The following MICAL2 variants were observed in gnomAD, a reference collection of about 807,000 sequenced individuals.
MICAL2 encodes the protein [F-actin]-monooxygenase MICAL2.
In MICAL2, 77 loss-of-function variants were observed where a neutral mutation model predicts 127.3. The ratio of observed to expected loss-of-function variants is 0.60; its 90% confidence interval spans 0.50 to 0.73. The LOEUF is 0.73. Among genes scored for constraint, MICAL2 ranks in the 30% least tolerant of loss-of-function variants. The pLI is 0.00. For synonymous variants in MICAL2, 570 were observed against 551.1 expected, an observed-to-expected ratio of 1.03 and a Z score of -0.48; for missense variants, 1,351 against 1,434.4, an observed-to-expected ratio of 0.94 and a Z score of 0.94.
chr11:12,286,231 C>T (rs1240702483), intron 2 of MICAL2, among the ~76,000 whole-genome samples: 1 of 152,208 alleles, frequency 6.6e-6, no homozygotes, highest in African/African-American at 2.4e-5. Flanking sequence ...TGATGGTCCA[C>T]AGCCTCAATT....
chr11:12,261,727 C>T, intron 26 of MICAL2: 2 of 985,410 alleles, frequency 2.0e-6, no homozygotes, highest in Non-Finnish European at 2.4e-6. Context: ...TCCCTGAAAT[C>T]CTTGGGAAAA....
intron 3 of MICAL2, among the ~76,000 whole-genome samples, chr11:12,167,416 C>A (rs1034129863): frequency 9.2e-5 from 14 of 152,136 alleles, no homozygotes; most frequent in Admixed American, 9.2e-4. Context: ...CCTATGGTCC[C>A]CAGTTTCCTC....
At chr11:12,292,108 C>A, downstream of MICAL2, 1 of 1,596,824 alleles carries the variant, frequency 6.3e-7, no homozygotes, top group Non-Finnish European at 8.5e-7. Flanking sequence ...AATAATAACA[C>A]CTTTGTAATG....
At chr11:12,123,729 CG>C (rs2133488254) in intron 1 of MICAL2, among the ~76,000 whole-genome samples, 1 of 152,198 alleles carries the variant, frequency 6.6e-6, no homozygotes, top group African/African-American at 2.4e-5. Flanking sequence ...CAGTGAAATA[CG>C]TTATTTAAAG....
Position 12,222,692 on chromosome 11 carries a change from C to T in MICAL2, c.1398C>T (p.Asp466=). 6.2e-7 allele frequency: 1 copy of T among 1,614,238 alleles called. No homozygotes were observed. The highest frequency in any genetic ancestry group is 8.5e-7 in the Non-Finnish European group (1 of 1,180,030). ...INKNFEQYTL[D]PGTRYPNLNS... is the part of the protein sequence containing the mutation. ...AGAACTTTGAGCAGTACACGTTGGA[C>T]CCAGGGACACGGTACCCAAACCTCA... The change falls in exon 11 of 28, where the codon GAC becomes GAT. Residue 466 remains aspartate (D), a synonymous_variant. Coordinates refer to ENST00000683283, the MANE Select transcript of MICAL2 (RefSeq NM_001282663.2).
At chr11:12,159,626 G>T (rs1288887974) in intron 2 of MICAL2, among the ~76,000 whole-genome samples, 1 of 152,222 alleles carries the variant, frequency 6.6e-6, no homozygotes, top group Non-Finnish European at 1.5e-5. Flanking sequence ...CCTCAGAAAA[G>T]ACTGTAGTGT....
rs1375796207 is a variant in MICAL2 at position 12,224,668 on chromosome 11, T to G, written c.1541-5T>G. 1 of 1,613,224 alleles carries G rather than the reference T, an allele frequency of 6.2e-7. No individual in the cohort carries two copies. Among genetic ancestry groups the G allele is most frequent in the Non-Finnish European group, 8.5e-7 (1 of 1,179,432 alleles). ...GCCTCACTGCCTGCGCTCTCCTTCT[T>G]GCAGAGTCAGATATCCGGCCCAGCA... On this transcript the variant is annotated splice_polypyrimidine_tract_variant and splice_region_variant and intron_variant, in intron 12 of 27. Transcript: ENST00000683283.
chr11:12,196,611 G>A (rs1190463514), intron 3 of MICAL2, among the ~76,000 whole-genome samples: 3 of 152,052 alleles, frequency 2.0e-5, no homozygotes, highest in Admixed American at 2.0e-4. Flanking sequence ...TGTTTCAAAG[G>A]CTGCCCTGAC....
intron 15 of MICAL2, among the ~76,000 whole-genome samples, chr11:12,233,867 T>A (rs999977330): frequency 6.6e-6 from 1 of 152,210 alleles, no homozygotes; most frequent in African/African-American, 2.4e-5. Flanking sequence ...AATATAGATA[T>A]ACAGATAAGA....
intron 3 of MICAL2, among the ~76,000 whole-genome samples, chr11:12,203,011 A>G (rs1854218904): frequency 6.6e-6 from 1 of 152,238 alleles, no homozygotes; most frequent in African/African-American, 2.4e-5. Flanking sequence ...GACATTTCAT[A>G]TAAACGAAAT....
chr11:12,160,474 C>T (rs1022863431), intron 2 of MICAL2, among the ~76,000 whole-genome samples: 6 of 152,286 alleles, frequency 3.9e-5, no homozygotes, highest in East Asian at 3.9e-4. Context: ...CCTGCCACCA[C>T]GTGCGCTGGA....
At chr11:12,305,873 A>G (rs1361340823) in intron 29 of MICAL2, among the ~76,000 whole-genome samples, 1 of 152,214 alleles carries the variant, frequency 6.6e-6, no homozygotes, top group Non-Finnish European at 1.5e-5. Flanking sequence ...GGTTTTTTAA[A>G]TGCGGATTCA....
intron 32 of MICAL2, among the ~76,000 whole-genome samples, chr11:12,330,562 G>A (rs1201373136): frequency 2.0e-5 from 3 of 152,074 alleles, no homozygotes; most frequent in African/African-American, 7.2e-5. Context: ...ACATGCGGGG[G>A]TGCGGGATGG....
At chr11:12,139,195 C>T (rs191879246) in intron 2 of MICAL2, among the ~76,000 whole-genome samples, 2 of 152,252 alleles carry the variant, frequency 1.3e-5, no homozygotes, top group East Asian at 1.9e-4. Context: ...TCCTGTCTGG[C>T]GTTTTGGCAC....
chr11:12,259,703 G>T, intron 25 of MICAL2, 92 bp from the exon 26 acceptor site: 1 of 1,186,078 alleles, frequency 8.4e-7, no homozygotes, highest in Non-Finnish European at 1.2e-6. Context: ...TGCAGGGTCT[G>T]GCGAGTTCAG....
chr11:12,263,633 C>G lies in MICAL2; in HGVS notation c.*91C>G, dbSNP rs1863412117. On this transcript the variant is annotated 3_prime_UTR_variant, in exon 28 of 28. Coordinates refer to ENST00000683283, the MANE Select transcript of MICAL2 (RefSeq NM_001282663.2). ...TCTCAGCCTCCTCTTTAGCTAGCCT[C>G]CCCATCTCATCACAACGCATGTCTG... The G allele has an allele frequency of 6.5e-6, 1 of 152,716 alleles. No homozygotes were observed. The highest frequency in any genetic ancestry group is 6.5e-5 in the Admixed American group (1 of 15,284). 9.5% of individuals were successfully genotyped at this position (152,716 alleles called of 1,614,324 possible).
At chr11:12,255,377 G>A (rs1383987714) in intron 22 of MICAL2, 9 of 447,742 alleles carry the variant, frequency 2.0e-5, no homozygotes, top group East Asian at 1.6e-4. Flanking sequence ...CTGTCTCTAC[G>A]ATTTTGACTA....
At chr11:12,244,794 C>A (rs1380743723) in intron 21 of MICAL2, among the ~76,000 whole-genome samples, 1 of 152,080 alleles carries the variant, frequency 6.6e-6, no homozygotes, top group African/African-American at 2.4e-5. Context: ...TCTGGTGTGA[C>A]TTGAACTTGG....
At chr11:12,343,568 C>A (rs1475237123) in intron 32 of MICAL2, among the ~76,000 whole-genome samples, 1 of 152,066 alleles carries the variant, frequency 6.6e-6, no homozygotes, top group Non-Finnish European at 1.5e-5. Context: ...GATTTTAGGA[C>A]ACATAAGACT....
Sources: allele counts gnomAD v4.1 joint callset (sites outside exome capture counted in the v4.1 genomes callset), GRCh38; gene constraint gnomAD v4.1.1; transcripts MANE v1.5; gene names NCBI Gene and HGNC (gene_info 2026-07-23, HGNC 2026-07-21).